Variants in TRAF3IP1 observed in about 807,000 individuals in gnomAD.
TRAF3IP1 encodes TRAF3-interacting protein 1.
Under a neutral mutation model 89.9 loss-of-function variants are expected in TRAF3IP1, and 53 were observed. The ratio of observed to expected loss-of-function variants is 0.59; its 90% CI spans 0.47 to 0.74. The LOEUF (loss-of-function observed/expected upper bound fraction) is 0.74, where lower values mean the gene tolerates loss of function less well. Ranked by LOEUF, TRAF3IP1 falls within the 30% of genes least tolerant of loss-of-function variation. The pLI is 0.00. For synonymous variants in TRAF3IP1, 311 were observed against 322.1 expected (o/e 0.97, Z 0.37); for missense variants, 806 against 866.1 (o/e 0.93, Z 0.87).
intron 15 of TRAF3IP1, among the ~76,000 whole-genome samples, chr2:238,356,969 G>A (rs547666739): frequency 2.0e-5 from 3 of 152,202 alleles, no homozygotes; most frequent in African/African-American, 4.8e-5. Flanking sequence ...TAGTAGAGAC[G>A]GGGTTTTACC....
intron 14 of TRAF3IP1, among the ~76,000 whole-genome samples, chr2:238,354,219 T>C (rs1195823292): frequency 6.6e-6 from 1 of 152,236 alleles, no homozygotes; most frequent in Non-Finnish European, 1.5e-5. Context: ...CAGTACACTC[T>C]TTAGCTTCCT....
chr2:238,338,287 A>G (rs1698478929), intron 7 of TRAF3IP1, 75 bp from the exon 8 acceptor site: 1 of 923,078 alleles, frequency 1.1e-6, no homozygotes, highest in South Asian at 1.8e-5. Flanking sequence ...TGTAACCCTT[A>G]TAAATCCCAG....
chr2:238,365,382 C>T (rs921366736), intron 15 of TRAF3IP1, among the ~76,000 whole-genome samples: 6 of 152,138 alleles, frequency 3.9e-5, no homozygotes, highest in African/African-American at 1.4e-4. Context: ...TAAAAATGGG[C>T]CAGGCGCGGT....
rs901626040 is a variant in TRAF3IP1, at chr2:238,345,171, G to A, written c.1261+573G>A. Reference sequence around the variant, plus strand: ...GTGCAGGTGGCAGCGGCAGGGTGGGGTGTGGCCAGGGGAGGGCTGATGTTT... The same window carrying A: ...GTGCAGGTGGCAGCGGCAGGGTGGGATGTGGCCAGGGGAGGGCTGATGTTT... On this transcript the variant is annotated intron_variant, in intron 9 of 16. Transcript: ENST00000373327. The surrounding 1 kb of genome is among the most constrained non-coding windows in gnomAD (Gnocchi z 4.7). Among the ~76,000 whole-genome samples, 1 of 152,212 alleles carries A rather than the reference G, an allele frequency of 6.6e-6. No homozygotes were observed. Among genetic ancestry groups the A allele is most frequent in the East Asian group, 1.9e-4 (1 of 5,194 alleles).
At chr2:238,382,135 G>A (rs1700577059) in intron 15 of TRAF3IP1, among the ~76,000 whole-genome samples, 1 of 152,190 alleles carries the variant, frequency 6.6e-6, no homozygotes, top group South Asian at 2.1e-4. Flanking sequence ...TGTGAGAGAG[G>A]AGATGACAGA....
At chr2:238,332,952 T>C in intron 6 of TRAF3IP1, 57 bp downstream of exon 6, 1 of 1,336,994 alleles carries the variant, frequency 7.5e-7, no homozygotes, top group South Asian at 1.2e-5. Flanking sequence ...GTTGAAATAG[T>C]GAATGCTGTG....
At chr2:238,388,877 G>A (rs1700884792) in intron 15 of TRAF3IP1, among the ~76,000 whole-genome samples, 1 of 152,152 alleles carries the variant, frequency 6.6e-6, no homozygotes, top group African/African-American at 2.4e-5. Flanking sequence ...CAAGCCATCT[G>A]CCCGCCTTGG....
chr2:238,344,925 C>T (rs988265676), intron 9 of TRAF3IP1, among the ~76,000 whole-genome samples: 2 of 152,072 alleles, frequency 1.3e-5, no homozygotes, highest in African/African-American at 2.4e-5. Flanking sequence ...AAGAGGTGTA[C>T]CCCCCAGACT....
chr2:238,390,464 G>A (rs1700947405), intron 15 of TRAF3IP1, among the ~76,000 whole-genome samples: 1 of 152,018 alleles, frequency 6.6e-6, no homozygotes. Flanking sequence ...CTTGTTAGGT[G>A]GTGCTGATAA....
Position 238,356,149 on chromosome 2 carries a change from A to G in TRAF3IP1, c.1689+69A>G, listed in dbSNP as rs531522781. ...TTTCATGCATTTACAGACTTTTACAAGTTGGAGCATCTTTCAATATTACCA... is the reference window on the plus strand; with the variant it reads ...TTTCATGCATTTACAGACTTTTACAGGTTGGAGCATCTTTCAATATTACCA... On this transcript the variant is annotated intron_variant, in intron 15 of 16. Transcript: ENST00000373327. 29 of 1,223,112 alleles carry G rather than the reference A, an allele frequency of 2.4e-5. No individual in the cohort carries two copies. The Admixed American group carries it at 4.2e-4, about 18-fold the overall frequency. The allele number at this position is 1,223,112 out of a possible 1,614,324, so 75.8% of individuals were successfully genotyped here.
At chr2:238,361,182 G>A (rs1281814323) in intron 15 of TRAF3IP1, among the ~76,000 whole-genome samples, 1 of 151,690 alleles carries the variant, frequency 6.6e-6, no homozygotes, top group Non-Finnish European at 1.5e-5. Context: ...GAGTAGCTGG[G>A]ACTACAGGCA....
chr2:238,386,065 T>G (rs1295194971), intron 15 of TRAF3IP1, among the ~76,000 whole-genome samples: 1 of 152,234 alleles, frequency 6.6e-6, no homozygotes, highest in Non-Finnish European at 1.5e-5. Flanking sequence ...TCGGTATGTC[T>G]GAAGAACAGA....
chr2:238,335,439 TG>T (rs1698337828), intron 7 of TRAF3IP1, among the ~76,000 whole-genome samples: 1 of 152,174 alleles, frequency 6.6e-6, no homozygotes, highest in South Asian at 2.1e-4. Context: ...TTTTTGTGTG[TG>T]GTGTTTTTTA....
At chr2:238,384,357 T>TATGG (rs1199451932) in intron 15 of TRAF3IP1, among the ~76,000 whole-genome samples, 1 of 126,294 alleles carries the variant, frequency 7.9e-6, no homozygotes, top group Non-Finnish European at 1.7e-5. Context: ...TGTATGTATG[T>TATGG]ATGTATGTAT....
chr2:238,325,451 T>A, intron 2 of TRAF3IP1, 77 bp downstream of exon 2: 1 of 1,441,998 alleles, frequency 6.9e-7, no homozygotes, highest in Non-Finnish European at 9.7e-7. Flanking sequence ...GTAGTGTGGC[T>A]TGTGTCATTT....
At chr2:238,331,254 A>G (rs936865612) in intron 5 of TRAF3IP1, among the ~76,000 whole-genome samples, 1 of 151,002 alleles carries the variant, frequency 6.6e-6, no homozygotes, top group East Asian at 1.9e-4. Flanking sequence ...AGGTCAAGAG[A>G]TCGAGACCAT....
chr2:238,332,886 T>C lies in TRAF3IP1; in HGVS notation c.978T>C (p.Ala326=), dbSNP rs567393864. 6.2e-6 allele frequency: 10 copies of C among 1,611,286 alleles called. No individual in the cohort carries two copies. In the South Asian group the frequency reaches 9.9e-5, roughly 16 times the overall value. The change falls in exon 6 of 17, where the codon GCT becomes GCC. Residue 326 remains alanine (A), a synonymous_variant. Transcript: ENST00000373327. The part of the protein sequence containing the change: ...LSDGTFKDSK[A]ETETEISTRA... ...ATGGAACTTTTAAAGACTCCAAGGC[T>C]GAAACAGAGGTAAACTTTAAAAAAT...
rs1054588996 is a variant in TRAF3IP1 at position 238,340,844 on chromosome 2, T to G, written c.1159+2387T>G. 3.4e-3 allele frequency among the ~76,000 whole-genome samples: 295 copies of G among 86,440 alleles called. 2 individuals carry two copies. The highest frequency in any genetic ancestry group is 0.01 in the African/African-American group (272 of 26,666). 56.7% of individuals were successfully genotyped at this position (86,440 alleles called of 152,430 possible). On this transcript the variant is annotated intron_variant, in intron 8 of 16. Transcript: ENST00000373327. ...GTGTGTGTGTGTGTGTATATATATA[T>G]ATAGAGAGAGAGAGACAGAGAGACA...
rs911515898 is a variant in TRAF3IP1 at position 238,345,335 on chromosome 2, C to T, written c.1261+737C>T. Among the ~76,000 whole-genome samples, 21 of 152,324 alleles carry T rather than the reference C, an allele frequency of 1.4e-4. No homozygotes were observed. Among genetic ancestry groups the T allele is most frequent in the South Asian group, 8.3e-4 (4 of 4,828 alleles). ...ATGAGGCTCGAAGATCAACCGAAAT[C>T]GTTTGATGGGGTGGCAGTCTGGGAC... On this transcript the variant is annotated intron_variant, in intron 9 of 16. Coordinates refer to ENST00000373327, the MANE Select transcript of TRAF3IP1 (RefSeq NM_015650.4). The surrounding 1 kb of genome is among the most constrained non-coding windows in gnomAD (Gnocchi z 4.7).
Sources: allele counts gnomAD v4.1 joint callset (sites outside exome capture counted in the v4.1 genomes callset), GRCh38; gene constraint gnomAD v4.1.1; non-coding constraint Gnocchi (gnomAD v3.1); transcripts MANE v1.5; gene names NCBI Gene and HGNC (gene_info 2026-07-23, HGNC 2026-07-21).